Variants in CHRNB4 observed in about 807,000 individuals in gnomAD.
The protein encoded by CHRNB4 is neuronal acetylcholine receptor subunit beta-4.
Under a neutral mutation model 40.4 loss-of-function variants are expected in CHRNB4, and 23 were observed. The ratio of observed to expected loss-of-function variants is 0.57; its 90% CI spans 0.41 to 0.81. The LOEUF (loss-of-function observed/expected upper bound fraction) is 0.81, where lower values mean the gene tolerates loss of function less well. Ranked by LOEUF, CHRNB4 falls within the 30% of genes least tolerant of loss-of-function variation. The pLI is 0.00. For synonymous variants in CHRNB4, 285 were observed against 274.4 expected, an observed-to-expected ratio of 1.04 and a Z score of -0.38; for missense variants, 568 against 670.6, an observed-to-expected ratio of 0.85 and a Z score of 1.69.
intron 1 of CHRNB4, among the ~76,000 whole-genome samples, chr15:78,638,633 G>GA (rs1288207618): frequency 6.6e-6 from 1 of 152,054 alleles, no homozygotes; most frequent in African/African-American, 2.4e-5. Flanking sequence ...GGGGCCGGGG[G>GA]GGTGGTGCAC....
At chr15:78,661,194 C>T (rs905176586), upstream of CHRNB4, 5 of 611,846 alleles carry the variant, frequency 8.2e-6, no homozygotes, top group South Asian at 1.4e-5. Flanking sequence ...AACCAAAGAG[C>T]GGAATGGTGC....
In CHRNB4 at chr15:78,651,511, C is replaced by G. The variant is rs1018452594; in HGVS notation, c.-16+1067G>C. ...CAGCTGCCCAGAGACCTCTCCAGGGCCTTGCCCTTGGTGGTCCCACCAGAA... is the reference window on the plus strand; with the variant it reads ...CAGCTGCCCAGAGACCTCTCCAGGGGCTTGCCCTTGGTGGTCCCACCAGAA... On this transcript the variant is annotated intron_variant and NMD_transcript_variant, in intron 6 of 11. Transcript: ENST00000559849. Among the ~76,000 whole-genome samples, 6 of 152,224 alleles carry G rather than the reference C, an allele frequency of 3.9e-5. No homozygotes were observed. In the East Asian group the frequency reaches 1.2e-3, roughly 29 times the overall value.
At chr15:78,650,659 C>T (rs1795209141) in intron 6 of CHRNB4, among the ~76,000 whole-genome samples, 1 of 152,216 alleles carries the variant, frequency 6.6e-6, no homozygotes, top group African/African-American at 2.4e-5. Context: ...CCATTGCTGT[C>T]TGAAGGTGGC....
chr15:78,641,091 G>C lies in CHRNB4; in HGVS notation c.43C>G (p.Leu15Val). 1 of 1,581,916 alleles carries C rather than the reference G, an allele frequency of 6.3e-7. No homozygotes were observed. The highest frequency in any genetic ancestry group is 8.6e-7 in the Non-Finnish European group (1 of 1,164,594). The change falls in exon 1 of 6, where the codon CTT becomes GTT. Residue 15 changes from leucine to valine, a missense_variant. Transcript: ENST00000261751. ...GAAAAGAACTCACCGCGCCCGCAAAGGGCGACCAGGAAGAAAAGGACCAGG... is the reference window on the plus strand; with the variant it reads ...GAAAAGAACTCACCGCGCCCGCAAACGGCGACCAGGAAGAAAAGGACCAGG... ...PSLVLFFLVA[L>V]CGRGNCRVAN... is the part of the protein sequence containing the mutation.
At chr15:78,646,894 A>C (rs1431000673) in intron 7 of CHRNB4, among the ~76,000 whole-genome samples, 3 of 152,184 alleles carry the variant, frequency 2.0e-5, no homozygotes, top group Non-Finnish European at 4.4e-5. Flanking sequence ...TAATACCAGC[A>C]TTTTGGGAGG....
intron 1 of CHRNB4, among the ~76,000 whole-genome samples, chr15:78,638,305 C>T (rs1406916228): frequency 6.6e-6 from 1 of 152,268 alleles, no homozygotes; most frequent in African/African-American, 2.4e-5. Context: ...GGGACTCCCC[C>T]ATCTTGACCA....
At chr15:78,635,283 A>G (rs1369353191) in intron 2 of CHRNB4, among the ~76,000 whole-genome samples, 156 bp downstream of exon 2, 3 of 152,176 alleles carry the variant, frequency 2.0e-5, no homozygotes, top group East Asian at 3.9e-4. Context: ...TTGGACACCT[A>G]TGAACTTCAT....
intron 1 of CHRNB4, among the ~76,000 whole-genome samples, chr15:78,639,108 TA>T (rs959527546): frequency 3.3e-5 from 5 of 152,212 alleles, no homozygotes; most frequent in African/African-American, 1.2e-4. Context: ...ATATCCAATC[TA>T]AAAATTTGTA....
upstream of CHRNB4, chr15:78,661,211 C>T: frequency 3.3e-6 from 2 of 610,830 alleles, no homozygotes; most frequent in South Asian, 2.7e-5. Flanking sequence ...GTGCTGCTGC[C>T]CTTGGGGGAG....
At chr15:78,641,236 TTGC>T (rs1439912275), upstream of CHRNB4, 1 of 1,110,950 alleles carries the variant, frequency 9.0e-7, no homozygotes, top group Non-Finnish European at 1.2e-6. Flanking sequence ...CCCCCGAGGT[TTGC>T]TGGCGGGGCG....
intron 7 of CHRNB4, among the ~76,000 whole-genome samples, chr15:78,648,231 A>C (rs1567138172): frequency 6.6e-6 from 1 of 151,392 alleles, no homozygotes; most frequent in Non-Finnish European, 1.5e-5. Flanking sequence ...GTCTCTACTA[A>C]AAATACAAAA....
In CHRNB4 at chr15:78,629,944, C is replaced by T. The variant is rs748185277; in HGVS notation, c.361G>A (p.Ala121Thr). 10 of 1,570,398 alleles carry T rather than the reference C, an allele frequency of 6.4e-6. No homozygotes were observed. Among genetic ancestry groups the T allele is most frequent in the East Asian group, 4.5e-5 (2 of 44,502 alleles). The change falls in exon 5 of 6, where the codon GCC (alanine) becomes ACC (threonine). Residue 121 changes from alanine (A) to threonine (T), a missense_variant and splice_region_variant. Ala to Thr is a moderately conservative substitution (Grantham distance 58, BLOSUM62 0). Around this residue, in one of 4 missense-constraint regions of CHRNB4, gnomAD observed 127 missense variants for 167.4 expected, o/e 0.76. Coordinates refer to ENST00000261751, the MANE Select transcript of CHRNB4 (RefSeq NM_000750.5). The surrounding 1 kb of genome is among the most constrained non-coding windows in gnomAD (Gnocchi z 6.8). ...WLPDIVLYNN[A>T]DGTYEVSVYT... is the part of the protein sequence containing the mutation. ...ACAGACACCTCATAGGTCCCGTCGGCGCTGGGCAGGGTCAGGGCATGGAGA... is the reference window on the plus strand; with the variant it reads ...ACAGACACCTCATAGGTCCCGTCGGTGCTGGGCAGGGTCAGGGCATGGAGA...
intron 7 of CHRNB4, among the ~76,000 whole-genome samples, chr15:78,647,347 T>A (rs1197259210): frequency 6.6e-6 from 1 of 151,458 alleles, no homozygotes; most frequent in Non-Finnish European, 1.5e-5. Flanking sequence ...TTTATATATA[T>A]AAACATTAAT....
chr15:78,626,379 TGTGTG>T (rs774645190), intron 5 of CHRNB4: 10,015 of 82,804 alleles, frequency 0.12, 390 homozygotes, highest in Non-Finnish European at 0.16. Flanking sequence ...TGTGTGTGTG[TGTGTG>T]TTTCCCCCTT....
intron 5 of CHRNB4, among the ~76,000 whole-genome samples, chr15:78,654,947 TC>T (rs1431490416): frequency 6.6e-6 from 1 of 151,980 alleles, no homozygotes; most frequent in Non-Finnish European, 1.5e-5. Context: ...TTTAAGAGTT[TC>T]CCCCCACCCC....
intron 1 of CHRNB4, among the ~76,000 whole-genome samples, chr15:78,636,608 T>G (rs1187729867): frequency 6.6e-6 from 1 of 151,770 alleles, no homozygotes; most frequent in African/African-American, 2.4e-5. Context: ...CTTCCTGTTT[T>G]TTCCTTTTTT....
chr15:78,660,643 T>G (rs1296555957), upstream of CHRNB4: 1 of 167,220 alleles, frequency 6.0e-6, no homozygotes, highest in Non-Finnish European at 1.3e-5. Context: ...CCCAAGTGTG[T>G]GTCACACTGA....
At chr15:78,642,094 G>A (rs2054083902), upstream of CHRNB4, among the ~76,000 whole-genome samples, 2 of 152,190 alleles carry the variant, frequency 1.3e-5, no homozygotes, top group African/African-American at 2.4e-5. Context: ...TAAGGGAACC[G>A]CCTGTAAAAA....
At chr15:78,642,517 G>A (rs1306541366), upstream of CHRNB4, among the ~76,000 whole-genome samples, 2 of 152,136 alleles carry the variant, frequency 1.3e-5, no homozygotes, top group African/African-American at 2.4e-5. Flanking sequence ...TGGGAGCTTG[G>A]GTGTATGCCA....
Sources: allele counts gnomAD v4.1 joint callset (sites outside exome capture counted in the v4.1 genomes callset), GRCh38; gene constraint gnomAD v4.1.1; regional missense constraint gnomAD v4.1.1; non-coding constraint Gnocchi (gnomAD v3.1); transcripts MANE v1.5; gene names NCBI Gene and HGNC (gene_info 2026-07-23, HGNC 2026-07-21).